The following EDIL3 variants were observed in gnomAD, a reference collection of about 807,000 sequenced individuals.
EDIL3 encodes EGF like and discoidin domains 3.
EDIL3 carries 37 observed loss-of-function variants against 67.4 expected under a neutral mutation model. The observed-to-expected ratio is 0.55, with a 90% CI of 0.42 to 0.72. The LOEUF (loss-of-function observed/expected upper bound fraction) is 0.72. Among genes scored for constraint, EDIL3 ranks in the 30% least tolerant of loss-of-function variants. EDIL3 has a pLI of 0.00. For missense variants in EDIL3, 527 were observed against 586.3 expected (o/e 0.90, Z 1.04); for synonymous variants, 195 against 196.3 (o/e 0.99, Z 0.05).
rs79695245 is a variant in EDIL3 at position 84,154,970 on chromosome 5, G to A, written c.356-17616C>T. Among the ~76,000 whole-genome samples the A allele has an allele frequency of 7.7e-3, 1,176 of 152,186 alleles. 9 individuals carry two copies. The highest frequency in any genetic ancestry group is 0.027 in the African/African-American group (1,122 of 41,516). ...CTGCCTCGGCGTCCCAAAGTGCTGG[G>A]ATTACAGGCATGAGCCACGCGCCTA... On this transcript the variant is annotated intron_variant, in intron 4 of 10. Transcript: ENST00000296591.
chr5:84,358,284 C>T (rs1464179103), intron 1 of EDIL3, among the ~76,000 whole-genome samples: 1 of 152,154 alleles, frequency 6.6e-6, no homozygotes, highest in Non-Finnish European at 1.5e-5. Context: ...GGCCAGAGAA[C>T]AGTTCTGTTC....
At chr5:84,057,947 G>T (rs146818874) in intron 9 of EDIL3, among the ~76,000 whole-genome samples, 7 of 152,192 alleles carry the variant, frequency 4.6e-5, no homozygotes, top group Non-Finnish European at 8.8e-5. Context: ...TAAGAAAATG[G>T]TATAGTGACA....
chr5:84,241,157 G>A (rs1313903674), intron 2 of EDIL3, among the ~76,000 whole-genome samples: 2 of 152,104 alleles, frequency 1.3e-5, no homozygotes, highest in African/African-American at 4.8e-5. Flanking sequence ...TGATATGCCT[G>A]TCTTACCCTT....
chr5:83,947,867 G>A lies in EDIL3; in HGVS notation c.1294-4299C>T, dbSNP rs184311438. ...AACCTCTCAAAAACTCAACTTCAGC[G>A]CTCTAGGCTAAACATTCATAGTTCC... is the stretch of plus-strand genomic sequence containing the variant. On this transcript the variant is annotated intron_variant, in intron 10 of 10. Coordinates refer to ENST00000296591, the MANE Select transcript of EDIL3 (RefSeq NM_005711.5). Among the ~76,000 whole-genome samples the A allele has an allele frequency of 2.6e-4, 39 of 151,850 alleles. No homozygotes were observed. The South Asian group carries it at 5.2e-3, about 20-fold the overall frequency.
intron 4 of EDIL3, among the ~76,000 whole-genome samples, chr5:84,177,625 A>G (rs1485687183): frequency 6.6e-6 from 1 of 152,184 alleles, no homozygotes; most frequent in Admixed American, 6.6e-5. Flanking sequence ...TAACAAATGT[A>G]TCACAGCAAT....
chr5:84,180,328 A>T, intron 4 of EDIL3, 65 bp downstream of exon 4: 1 of 1,474,984 alleles, frequency 6.8e-7, no homozygotes. Context: ...ACAAACAAGA[A>T]TGATGATGGC....
chr5:84,020,018 C>T (rs764012569), intron 9 of EDIL3, among the ~76,000 whole-genome samples: 26 of 146,786 alleles, frequency 1.8e-4, no homozygotes, highest in South Asian at 4.3e-4. Context: ...AATTAATGGT[C>T]CTTTCCTAAA....
At chr5:84,328,563 GGT>G (rs1746811207) in intron 1 of EDIL3, among the ~76,000 whole-genome samples, 1 of 151,892 alleles carries the variant, frequency 6.6e-6, no homozygotes, top group Admixed American at 6.6e-5. Flanking sequence ...CTATGCCTAG[GGT>G]GTCCTTATAT....
intron 4 of EDIL3, among the ~76,000 whole-genome samples, chr5:84,175,932 A>G (rs1009424717): frequency 5.9e-5 from 9 of 152,058 alleles, no homozygotes; most frequent in African/African-American, 2.2e-4. Context: ...CAAAGCACGT[A>G]ATTGCCAAAT....
At chr5:84,074,970 C>T (rs1273262406) in intron 6 of EDIL3, among the ~76,000 whole-genome samples, 1 of 152,070 alleles carries the variant, frequency 6.6e-6, no homozygotes, top group African/African-American at 2.4e-5. Flanking sequence ...CAATGATAGA[C>T]TGGATTAAGA....
At chr5:84,196,653 C>T (rs1292965827) in intron 3 of EDIL3, among the ~76,000 whole-genome samples, 2 of 151,926 alleles carry the variant, frequency 1.3e-5, no homozygotes, top group Non-Finnish European at 2.9e-5. Context: ...GCATCCAATA[C>T]ATCTTTGTTA....
chr5:84,254,353 G>C (rs983177459), intron 1 of EDIL3, 141 bp from the exon 2 acceptor site: 1 of 970,390 alleles, frequency 1.0e-6, no homozygotes, highest in Middle Eastern at 3.1e-4. Flanking sequence ...AGATCTGCAA[G>C]ACTCATTTCA....
At chr5:84,004,529 G>T (rs1242745066) in intron 9 of EDIL3, among the ~76,000 whole-genome samples, 2 of 151,940 alleles carry the variant, frequency 1.3e-5, no homozygotes, top group African/African-American at 4.8e-5. Context: ...TCAATATGAA[G>T]AATATCTCTT....
intron 1 of EDIL3, among the ~76,000 whole-genome samples, chr5:84,346,167 GCT>G (rs1747236744): frequency 8.3e-6 from 1 of 119,892 alleles, no homozygotes; most frequent in Non-Finnish European, 1.6e-5. Context: ...ATGGAGTCTC[GCT>G]CTGTCTCCCA....
At chr5:84,241,548 T>C (rs999130237) in intron 2 of EDIL3, among the ~76,000 whole-genome samples, 1 of 152,112 alleles carries the variant, frequency 6.6e-6, no homozygotes, top group African/African-American at 2.4e-5. Flanking sequence ...AAATTTCATA[T>C]AATAAAAAAT....
intron 3 of EDIL3, among the ~76,000 whole-genome samples, chr5:84,203,969 C>A (rs750487203): frequency 1.3e-5 from 2 of 152,136 alleles, no homozygotes; most frequent in Non-Finnish European, 2.9e-5. Context: ...GATACTGATT[C>A]TATTATTAGA....
At chr5:84,243,946 A>T (rs1240703554) in intron 2 of EDIL3, among the ~76,000 whole-genome samples, 1 of 152,170 alleles carries the variant, frequency 6.6e-6, no homozygotes, top group Non-Finnish European at 1.5e-5. Context: ...GGATTATGGA[A>T]TTTTCTTCAC....
chr5:84,132,486 ATATAT>A (rs1748002567), intron 5 of EDIL3, among the ~76,000 whole-genome samples: 1 of 107,064 alleles, frequency 9.3e-6, no homozygotes, highest in South Asian at 2.4e-4. Context: ...ATATTTTAAT[ATATAT>A]TATATATTTT....
intron 5 of EDIL3, among the ~76,000 whole-genome samples, chr5:84,121,534 GATCGATCTATCTATCT>G (rs1204400171): frequency 3.8e-4 from 38 of 99,988 alleles, no homozygotes; most frequent in Admixed American, 8.2e-4. Context: ...CACTAACTTA[GATCGATCTATCTATCT>G]ATCTATCTAT....
Sources: gnomAD v4.1 joint callset for allele counts (sites outside exome capture counted in the v4.1 genomes callset) on GRCh38, gnomAD v4.1.1 for gene constraint, MANE v1.5 for transcripts, NCBI Gene and HGNC (gene_info 2026-07-23, HGNC 2026-07-21) for gene names.